Variants in DNAJC3 observed in about 807,000 individuals in gnomAD.
DNAJC3 encodes the protein DnaJ heat shock protein family (Hsp40) member C3, also known as dnaJ homolog subfamily C member 3.
DNAJC3 carries 38 observed loss-of-function variants against 68.6 expected under a neutral mutation model. The observed-to-expected ratio is 0.55, with a 90% CI of 0.43 to 0.73. The LOEUF (loss-of-function observed/expected upper bound fraction) is 0.73. Among genes scored for constraint, DNAJC3 ranks in the 30% least tolerant of loss-of-function variants. The pLI is 0.00. For synonymous variants in DNAJC3, 203 were observed against 204.0 expected (o/e 1.00, Z 0.04); for missense variants, 526 against 591.9 (o/e 0.89, Z 1.16).
At chr13:95,691,339 G>A (rs1490021763) in intron 1 of DNAJC3, among the ~76,000 whole-genome samples, 17 of 151,204 alleles carry the variant, frequency 1.1e-4, no homozygotes, top group African/African-American at 1.7e-4. Context: ...CTTCTCAGAC[G>A]GGGCGGTTGC....
At chr13:95,766,092 AG>A (rs1882985958) in intron 9 of DNAJC3, among the ~76,000 whole-genome samples, 2 of 152,220 alleles carry the variant, frequency 1.3e-5, no homozygotes, top group South Asian at 4.1e-4. Flanking sequence ...GCTAAATAAC[AG>A]TATGTCTTCA....
At chr13:95,719,679 C>G (rs1207905559) in intron 2 of DNAJC3, among the ~76,000 whole-genome samples, 1 of 152,158 alleles carries the variant, frequency 6.6e-6, no homozygotes, top group Non-Finnish European at 1.5e-5. Context: ...ACAACAGATT[C>G]CTTATTTATG....
intron 1 of DNAJC3, among the ~76,000 whole-genome samples, chr13:95,706,221 CACA>C (rs1447878884): frequency 1.3e-5 from 2 of 152,162 alleles, no homozygotes; most frequent in African/African-American, 2.4e-5. Flanking sequence ...TGGGTTTTGT[CACA>C]ACAACTCTGT....
intron 4 of DNAJC3, among the ~76,000 whole-genome samples, chr13:95,737,010 A>T (rs1039840250): frequency 1.4e-4 from 22 of 151,974 alleles, no homozygotes; most frequent in Non-Finnish European, 3.1e-4. Context: ...TACCTAATTT[A>T]TTGAGAGTTT....
In DNAJC3 at chr13:95,677,196, C is replaced by T. The variant is rs1178793952; in HGVS notation, c.-60C>T. On this transcript the variant is annotated 5_prime_UTR_variant, in exon 1 of 12. Coordinates refer to ENST00000602402, the MANE Select transcript of DNAJC3 (RefSeq NM_006260.5). ...CGGGCGGGCGCAGCTGCTGCCGGAG[C>T]GCCGGCGCGTGCTGGTGGGCCACAC... The T allele has an allele frequency of 6.6e-7, 1 of 1,513,960 alleles. No homozygotes were observed. Among genetic ancestry groups the T allele is most frequent in the Admixed American group, 1.8e-5 (1 of 54,096 alleles). The allele number at this position is 1,513,960 out of a possible 1,614,324, so 93.8% of individuals were successfully genotyped here.
chr13:95,728,246 T>C (rs1425981982), intron 4 of DNAJC3, among the ~76,000 whole-genome samples: 2 of 152,256 alleles, frequency 1.3e-5, no homozygotes. Context: ...CTGGGTTGTA[T>C]GGTTATTGCA....
chr13:95,777,285 C>A (rs530563535), intron 9 of DNAJC3, among the ~76,000 whole-genome samples: 1 of 152,156 alleles, frequency 6.6e-6, no homozygotes, highest in African/African-American at 2.4e-5. Flanking sequence ...TTGGCCTGGC[C>A]GTCCAAAGAG....
Position 95,760,634 on chromosome 13 carries a change from A to G in DNAJC3, c.729-45A>G, listed in dbSNP as rs761237645. ...GATTTCTGTGGAAAACTACTCATTG[A>G]TTGTTTTGACATGGAGTATTTTCCT... On this transcript the variant is annotated intron_variant, in intron 6 of 11. Coordinates refer to ENST00000602402, the MANE Select transcript of DNAJC3 (RefSeq NM_006260.5). The G allele has an allele frequency of 1.2e-5, 18 of 1,561,306 alleles. No homozygotes were observed. The Middle Eastern group carries it at 7.5e-4, about 65-fold the overall frequency.
chr13:95,766,097 G>GTTGAAA (rs1882986108), intron 9 of DNAJC3, among the ~76,000 whole-genome samples: 1 of 152,178 alleles, frequency 6.6e-6, no homozygotes, highest in East Asian at 1.9e-4. Context: ...ATAACAGTAT[G>GTTGAAA]TCTTCAGTTG....
intron 1 of DNAJC3, among the ~76,000 whole-genome samples, chr13:95,689,978 TTTTTTCTTTTTC>T (rs1175542034): frequency 3.3e-5 from 5 of 152,318 alleles, no homozygotes; most frequent in African/African-American, 7.2e-5. Context: ...TTGGACTTTT[TTTTTTCTTTTTC>T]TTTTTCTTTT....
chr13:95,729,060 T>C (rs1342797610), intron 4 of DNAJC3, among the ~76,000 whole-genome samples: 2 of 152,164 alleles, frequency 1.3e-5, no homozygotes, highest in African/African-American at 4.8e-5. Context: ...CATGCAATGT[T>C]TGACTTTCTG....
In DNAJC3 at chr13:95,680,173, G is replaced by A. The variant is rs557614156; in HGVS notation, c.82+2836G>A. 5.9e-5 allele frequency among the ~76,000 whole-genome samples: 9 copies of A among 152,264 alleles called. No homozygotes were observed. The South Asian group carries it at 1.9e-3, about 32-fold the overall frequency. On this transcript the variant is annotated intron_variant, in intron 1 of 11. Coordinates refer to ENST00000602402, the MANE Select transcript of DNAJC3 (RefSeq NM_006260.5). ...TATTTCATTTCTTTGCTAATGGTTT[G>A]TCCTCTTGGTGACTTGAGTAGCAAC...
chr13:95,722,255 C>A (rs1228152183), intron 2 of DNAJC3, among the ~76,000 whole-genome samples: 1 of 152,206 alleles, frequency 6.6e-6, no homozygotes, highest in Non-Finnish European at 1.5e-5. Flanking sequence ...TCTCTAGTCT[C>A]ACTCTCATTT....
At chr13:95,725,657 C>CT (rs58829512) in intron 4 of DNAJC3, among the ~76,000 whole-genome samples, 38 of 144,402 alleles carry the variant, frequency 2.6e-4, no homozygotes, top group Non-Finnish European at 2.2e-4. Context: ...GAAACAGATT[C>CT]TTTTTTTTTT....
intron 1 of DNAJC3, among the ~76,000 whole-genome samples, chr13:95,698,447 A>G (rs74106024): frequency 1.3e-5 from 2 of 152,318 alleles, no homozygotes; most frequent in African/African-American, 4.8e-5. Flanking sequence ...GAATACTCCA[A>G]TGATAAGCAT....
chr13:95,712,437 T>G (rs1027974111), intron 2 of DNAJC3, among the ~76,000 whole-genome samples: 1 of 150,222 alleles, frequency 6.7e-6, no homozygotes, highest in Non-Finnish European at 1.5e-5. Flanking sequence ...AGTGTAGTAG[T>G]GCAATCTCAG....
At chr13:95,758,622 A>C (rs1181693466) in intron 5 of DNAJC3, among the ~76,000 whole-genome samples, 1 of 151,856 alleles carries the variant, frequency 6.6e-6, no homozygotes, top group Non-Finnish European at 1.5e-5. Flanking sequence ...CGTCTCAAAA[A>C]AAAAAAAAAA....
At chr13:95,685,405 C>T (rs1420016392) in intron 1 of DNAJC3, among the ~76,000 whole-genome samples, 1 of 152,168 alleles carries the variant, frequency 6.6e-6, no homozygotes, top group Non-Finnish European at 1.5e-5. Context: ...TGCCTATAAT[C>T]CCATTGTATC....
At chr13:95,695,052 T>G (rs1445585553) in intron 1 of DNAJC3, 1 of 152,292 alleles carries the variant, frequency 6.6e-6, no homozygotes. Context: ...CGGATCTTGT[T>G]CAATGAATCT....
Sources: allele counts gnomAD v4.1 joint callset (sites outside exome capture counted in the v4.1 genomes callset), GRCh38; gene constraint gnomAD v4.1.1; transcripts MANE v1.5; gene names NCBI Gene and HGNC (gene_info 2026-07-23, HGNC 2026-07-21).